KLF15: variants seen among roughly 807,000 people sequenced by gnomAD.
KLF15 encodes Krueppel-like factor 15.
Under a neutral mutation model 24.6 loss-of-function variants are expected in KLF15, and 4 were observed. The ratio of observed to expected loss-of-function variants is 0.16; its 90% CI spans 0.08 to 0.37. The LOEUF is 0.37. Among genes scored for constraint, KLF15 ranks in the 10% least tolerant of loss-of-function variants. The probability of loss-of-function intolerance (pLI) is 1.00; values close to 1 mark genes in which losing one functional copy is unlikely to be tolerated. For synonymous variants in KLF15, 246 were observed against 236.3 expected, an observed-to-expected ratio of 1.04 and a Z score of -0.37; for missense variants, 496 against 560.6, an observed-to-expected ratio of 0.88 and a Z score of 1.16.
the KLF15 span, among the ~76,000 whole-genome samples, chr3:126,326,399 G>A: frequency 2.6e-5 from 4 of 152,054 alleles, no homozygotes; most frequent in African/African-American, 9.7e-5. Flanking sequence ...AATTACCTTG[G>A]GCAGTATAAG....
At chr3:126,317,423 TG>T in the KLF15 span, among the ~76,000 whole-genome samples, 2 of 152,106 alleles carry the variant, frequency 1.3e-5, no homozygotes, top group South Asian at 2.1e-4. Flanking sequence ...AACCTGAAAC[TG>T]GTGATCAGCA....
At chr3:126,347,377 G>A (rs9838915) in intron 2 of KLF15, among the ~76,000 whole-genome samples, 29,134 of 152,120 alleles carry the variant, frequency 0.19, 3,058 homozygotes, top group South Asian at 0.31. Flanking sequence ...GAGGGGTCAT[G>A]AGAGCAGGCT....
At chr3:126,350,295 A>G (rs1053787884) in intron 2 of KLF15, among the ~76,000 whole-genome samples, 1 of 152,194 alleles carries the variant, frequency 6.6e-6, no homozygotes, top group African/African-American at 2.4e-5. Context: ...CCTAGGTACA[A>G]AGCTCAGAGA....
chr3:126,315,376 G>A, the KLF15 span, among the ~76,000 whole-genome samples: 1 of 152,158 alleles, frequency 6.6e-6, no homozygotes, highest in African/African-American at 2.4e-5. Flanking sequence ...CAACAGTAAC[G>A]CACTGTGTCT....
the KLF15 span, among the ~76,000 whole-genome samples, chr3:126,315,526 T>G: frequency 6.6e-6 from 1 of 151,764 alleles, no homozygotes. Flanking sequence ...GATCCTGGGC[T>G]CCCTACACAA....
At chr3:126,320,585 A>G in the KLF15 span, among the ~76,000 whole-genome samples, 1 of 152,232 alleles carries the variant, frequency 6.6e-6, no homozygotes, top group African/African-American at 2.4e-5. Context: ...TTGCACATAC[A>G]GATGCACACA....
At chr3:126,342,150 C>G (rs2082483687), downstream of KLF15, among the ~76,000 whole-genome samples, 1 of 152,232 alleles carries the variant, frequency 6.6e-6, no homozygotes, top group Non-Finnish European at 1.5e-5. Context: ...CCTCTGCCTG[C>G]TCAGGATTCC....
chr3:126,339,952 TTTCCCTTCTTAATAATCTGC>T (rs1165008545), downstream of KLF15, among the ~76,000 whole-genome samples: 2 of 152,030 alleles, frequency 1.3e-5, no homozygotes, highest in African/African-American at 4.8e-5. Context: ...TCCCACAGAG[TTTCCCTTCTTAATAATCTGC>T]TGCCCCAGAA....
At chr3:126,300,756 C>T in the KLF15 span, among the ~76,000 whole-genome samples, 3 of 152,180 alleles carry the variant, frequency 2.0e-5, no homozygotes, top group Non-Finnish European at 2.9e-5. Flanking sequence ...GCCTGCTGAC[C>T]GGGGCAGGAT....
At chr3:126,322,393 G>GC in the KLF15 span, among the ~76,000 whole-genome samples, 3 of 152,038 alleles carry the variant, frequency 2.0e-5, no homozygotes, top group African/African-American at 7.2e-5. Flanking sequence ...CCAGCTCCTT[G>GC]CCCCCTCTTC....
chr3:126,350,049 G>A (rs1340685604), intron 2 of KLF15, among the ~76,000 whole-genome samples: 1 of 152,226 alleles, frequency 6.6e-6, no homozygotes, highest in East Asian at 1.9e-4. Context: ...ACAGGAAACT[G>A]AGGTTTGGAG....
the KLF15 span, among the ~76,000 whole-genome samples, chr3:126,321,304 C>T: frequency 6.6e-6 from 1 of 152,204 alleles, no homozygotes; most frequent in African/African-American, 2.4e-5. Context: ...TGGGTAAGAG[C>T]CCTTGTCAAA....
At chr3:126,340,568 T>C (rs2082472368), downstream of KLF15, among the ~76,000 whole-genome samples, 3 of 152,238 alleles carry the variant, frequency 2.0e-5, no homozygotes, top group South Asian at 6.2e-4. Context: ...GCCTAACTCA[T>C]ACTCTACCTA....
At chr3:126,300,553 T>G in the KLF15 span, among the ~76,000 whole-genome samples, 1 of 152,342 alleles carries the variant, frequency 6.6e-6, no homozygotes, top group East Asian at 1.9e-4. Flanking sequence ...TTGCTCACAA[T>G]GTGCGGCTTT....
the KLF15 span, among the ~76,000 whole-genome samples, chr3:126,332,001 C>T: frequency 5.9e-5 from 9 of 152,220 alleles, no homozygotes; most frequent in African/African-American, 2.2e-4. Context: ...GGGAGGGGCG[C>T]CCGCCATTGC....
At chr3:126,323,885 C>A in the KLF15 span, among the ~76,000 whole-genome samples, 1 of 136,176 alleles carries the variant, frequency 7.3e-6, no homozygotes, top group East Asian at 2.0e-4. Flanking sequence ...CATGTTCCTG[C>A]AAAGGACATG....
chr3:126,338,210 G>A (rs2082453879), downstream of KLF15, among the ~76,000 whole-genome samples: 2 of 152,166 alleles, frequency 1.3e-5, no homozygotes. Context: ...ACAGGGAGGG[G>A]CTTTGCCAAC....
At chr3:126,348,448 C>A (rs1395244183) in intron 2 of KLF15, among the ~76,000 whole-genome samples, 1 of 152,112 alleles carries the variant, frequency 6.6e-6, no homozygotes, top group East Asian at 1.9e-4. Flanking sequence ...GACTCTGATA[C>A]CAGCTAGGAC....
chr3:126,316,564 G>A, the KLF15 span, among the ~76,000 whole-genome samples: 13 of 150,170 alleles, frequency 8.7e-5, no homozygotes, highest in Non-Finnish European at 1.9e-4. Context: ...AGGGTACACG[G>A]GCTGGAGTAG....
Sources: gnomAD v4.1 joint callset for allele counts (sites outside exome capture counted in the v4.1 genomes callset) on GRCh38, gnomAD v4.1.1 for gene constraint, MANE v1.5 for transcripts, NCBI Gene and HGNC (gene_info 2026-07-23, HGNC 2026-07-21) for gene names.